Variants in PCDHGA12 observed in about 807,000 individuals in gnomAD.
PCDHGA12 encodes the protein protocadherin gamma subfamily A, 12.
In PCDHGA12, 43 loss-of-function variants were observed where a neutral mutation model predicts 61.1. The observed-to-expected ratio is 0.70, with a 90% CI of 0.55 to 0.91. The LOEUF (loss-of-function observed/expected upper bound fraction) is 0.91, where lower values mean the gene tolerates loss of function less well. PCDHGA12 is among the 40% of genes least tolerant of loss of function. The probability of loss-of-function intolerance (pLI) is 0.00; values close to 1 mark genes in which losing one functional copy is unlikely to be tolerated. For missense variants in PCDHGA12, 1,236 were observed against 1,227.7 expected, an observed-to-expected ratio of 1.01 and a Z score of -0.10; for synonymous variants, 520 against 542.9, an observed-to-expected ratio of 0.96 and a Z score of 0.59.
Position 141,476,023 on chromosome 5 carries a change from G to A in PCDHGA12, c.2425-18784G>A. 1 of 1,415,690 alleles carries A rather than the reference G, an allele frequency of 7.1e-7. No homozygotes were observed. The highest frequency in any genetic ancestry group is 2.3e-5 in the Admixed American group (1 of 43,980). 87.7% of individuals were successfully genotyped at this position (1,415,690 alleles called of 1,614,324 possible). A position where few individuals can be genotyped will look rare whatever the true frequency, so the allele number is the denominator to read the frequency against. ...CATCCAGAAAGCCATGTCGGACTCG[G>A]CGCCCAGCGCCCAAGCGCTAACCCG... On this transcript the variant is annotated intron_variant, in intron 1 of 3. Coordinates refer to ENST00000252085, the MANE Select transcript of PCDHGA12 (RefSeq NM_003735.3). This position sits in a 1 kb window ranked among gnomAD's most constrained non-coding sequence, Gnocchi z 7.6.
At position 141,485,120 on chromosome 5, in the gene PCDHGA12, G is replaced by A. The variant is rs2099607447; in HGVS notation, c.2425-9687G>A. On this transcript the variant is annotated intron_variant, in intron 1 of 3. Coordinates refer to ENST00000252085, the MANE Select transcript of PCDHGA12 (RefSeq NM_003735.3). The surrounding 1 kb of genome is among the most constrained non-coding windows in gnomAD (Gnocchi z 5.7). ...TCCAGCTGCTGTGGCTGTTTGGGGC[G>A]GGTCGGCTTCATCCGCGTCTCAGGA... The A allele has an allele frequency of 1.5e-6, 2 of 1,348,050 alleles. No homozygotes were observed. Among genetic ancestry groups the A allele is most frequent in the Non-Finnish European group, 2.1e-6 (2 of 952,710 alleles). 83.5% of individuals were successfully genotyped at this position (1,348,050 alleles called of 1,614,324 possible).
In PCDHGA12 at chr5:141,457,578, C is replaced by T. The variant is rs538068150; in HGVS notation, c.2424+24395C>T. Among the ~76,000 whole-genome samples, 38 of 152,304 alleles carry T rather than the reference C, an allele frequency of 2.5e-4. No individual in the cohort carries two copies. The South Asian group carries it at 7.7e-3, about 31-fold the overall frequency. ...AGCTTTGGAGCAAAATTTTTCTCTC[C>T]AGTCCTCATTTTTGGTAAAAACTAA... On this transcript the variant is annotated intron_variant, in intron 1 of 3. Coordinates refer to ENST00000252085, the MANE Select transcript of PCDHGA12 (RefSeq NM_003735.3).
intron 2 of PCDHGA12, among the ~76,000 whole-genome samples, chr5:141,501,334 C>T (rs1462003251): frequency 6.9e-6 from 1 of 145,376 alleles, no homozygotes; most frequent in Non-Finnish European, 1.5e-5. Context: ...CACACACACA[C>T]CCCAAACTCA....
At position 141,487,505 on chromosome 5, in the gene PCDHGA12, G is replaced by GTA; in HGVS notation, c.2425-7302_2425-7301insTA. The GTA allele has an allele frequency of 1.2e-6, 2 of 1,614,200 alleles. No homozygotes were observed. The highest frequency in any genetic ancestry group is 1.7e-6 in the Non-Finnish European group (2 of 1,180,032). ...TCATGGCTGTACACCCTTGGCTTCTGCACCCACTCGGAGTGATAGCTTCAT... is the reference window on the plus strand; with the variant it reads ...TCATGGCTGTACACCCTTGGCTTCTGTACACCCACTCGGAGTGATAGCTTCAT... On this transcript the variant is annotated intron_variant, in intron 1 of 3. Coordinates refer to ENST00000252085, the MANE Select transcript of PCDHGA12 (RefSeq NM_003735.3). This position sits in a 1 kb window ranked among gnomAD's most constrained non-coding sequence, Gnocchi z 5.0.
chr5:141,460,027 G>A (rs1002703325), intron 1 of PCDHGA12, among the ~76,000 whole-genome samples: 3 of 152,088 alleles, frequency 2.0e-5, no homozygotes, highest in East Asian at 1.9e-4. Flanking sequence ...GCAGTGAGCC[G>A]AGACTGCACC....
chr5:141,433,767 G>T (rs1237334342), intron 1 of PCDHGA12, among the ~76,000 whole-genome samples: 1 of 151,532 alleles, frequency 6.6e-6, no homozygotes, highest in Non-Finnish European at 1.5e-5. Flanking sequence ...AACCTGGGAG[G>T]TGGAGGTTGC....
chr5:141,476,062 A>G lies in PCDHGA12; in HGVS notation c.2425-18745A>G, dbSNP rs2099384587. On this transcript the variant is annotated intron_variant, in intron 1 of 3. Coordinates refer to ENST00000252085, the MANE Select transcript of PCDHGA12 (RefSeq NM_003735.3). This position sits in a 1 kb window ranked among gnomAD's most constrained non-coding sequence, Gnocchi z 7.6. ...AGCGCTAACCCGCTGAAAGTTTCTC[A>G]GCGAAATCTCAGGGACGATCTGGAC... The G allele has an allele frequency of 1.8e-5, 27 of 1,509,766 alleles. No individual in the cohort carries two copies. Among genetic ancestry groups the G allele is most frequent in the Non-Finnish European group, 2.3e-5 (26 of 1,136,920 alleles). The allele number at this position is 1,509,766 out of a possible 1,614,324, so 93.5% of individuals were successfully genotyped here.
Position 141,491,722 on chromosome 5 carries a change from CG to C in PCDHGA12, c.2425-3082del. Reference sequence around the variant, plus strand: ...CCAGGTGAGGGGCTCGGCGCCGCCCCGGGCGACCCCTGGGGGCGGCACTGGA... The same window carrying C: ...CCAGGTGAGGGGCTCGGCGCCGCCCCGGCGACCCCTGGGGGCGGCACTGGA... On this transcript the variant is annotated intron_variant, in intron 1 of 3. Transcript: ENST00000252085. The surrounding 1 kb of genome is among the most constrained non-coding windows in gnomAD (Gnocchi z 6.9). The C allele has an allele frequency of 1.2e-6, 2 of 1,607,004 alleles. No homozygotes were observed. Among genetic ancestry groups the C allele is most frequent in the Non-Finnish European group, 1.7e-6 (2 of 1,177,148 alleles).
At chr5:141,469,629 C>T (rs933972587) in intron 1 of PCDHGA12, among the ~76,000 whole-genome samples, 1 of 152,070 alleles carries the variant, frequency 6.6e-6, no homozygotes, top group Admixed American at 6.6e-5. Context: ...GTTTGTAGTT[C>T]CAAAATATTT....
chr5:141,505,342 T>C (rs2099845433), intron 2 of PCDHGA12, 51 bp from the exon 3 acceptor site: 1 of 1,612,738 alleles, frequency 6.2e-7, no homozygotes, highest in African/African-American at 1.3e-5. Flanking sequence ...AGGAGGGGCA[T>C]GAGCTGTGCC....
rs1486545769 is a variant in PCDHGA12 at position 141,431,780 on chromosome 5, A to T, written c.1021A>T (p.Asn341Tyr). The change falls in exon 1 of 4, where the codon AAC (asparagine) becomes TAC (tyrosine). Residue 341 changes from asparagine (N) to tyrosine (Y), a missense_variant. Physicochemically the swap from Asn to Tyr is moderately radical, Grantham distance 143. Coordinates refer to ENST00000252085, the MANE Select transcript of PCDHGA12 (RefSeq NM_003735.3). This position sits in a 1 kb window ranked among gnomAD's most constrained non-coding sequence, Gnocchi z 4.8. The stretch of plus-strand genomic sequence containing the variant: ...AGTCCTGATCACTGTTCTGGACGTG[A>T]ACGACAATGCCCCAGAAGTGGTCCT... ...AKVLITVLDV[N>Y]DNAPEVVLTS... is the part of the protein sequence containing the mutation. 4 of 1,614,086 alleles carry T rather than the reference A, an allele frequency of 2.5e-6. No homozygotes were observed. The highest frequency in any genetic ancestry group is 3.4e-6 in the Non-Finnish European group (4 of 1,180,028).
Position 141,476,376 on chromosome 5 carries a change from T to C in PCDHGA12, c.2425-18431T>C. ...GTGAACCGGGAGACCGGAGAGATGT[T>C]TGTGAACGACCGTCTGGATCGAGAG... On this transcript the variant is annotated intron_variant, in intron 1 of 3. Coordinates refer to ENST00000252085, the MANE Select transcript of PCDHGA12 (RefSeq NM_003735.3). The surrounding 1 kb of genome is among the most constrained non-coding windows in gnomAD (Gnocchi z 7.6). The C allele has an allele frequency of 6.2e-7, 1 of 1,614,060 alleles. No homozygotes were observed. Among genetic ancestry groups the C allele is most frequent in the Non-Finnish European group, 8.5e-7 (1 of 1,180,004 alleles).
At chr5:141,507,611 A>G (rs2099862056) in intron 3 of PCDHGA12, among the ~76,000 whole-genome samples, 1 of 152,258 alleles carries the variant, frequency 6.6e-6, no homozygotes, top group South Asian at 2.1e-4. Flanking sequence ...AAACAGGTAT[A>G]TTTAGCTGTT....
intron 1 of PCDHGA12, among the ~76,000 whole-genome samples, chr5:141,450,968 G>A (rs756891993): frequency 5.5e-4 from 84 of 151,848 alleles, no homozygotes; most frequent in Non-Finnish European, 9.0e-4. Context: ...GGGATTACAG[G>A]CATGTGCCAC....
chr5:141,476,535 T>C lies in PCDHGA12; in HGVS notation c.2425-18272T>C. 5 of 1,614,038 alleles carry C rather than the reference T, an allele frequency of 3.1e-6. No individual in the cohort carries two copies. The highest frequency in any genetic ancestry group is 4.2e-6 in the Non-Finnish European group (5 of 1,180,010). On this transcript the variant is annotated intron_variant, in intron 1 of 3. Coordinates refer to ENST00000252085, the MANE Select transcript of PCDHGA12 (RefSeq NM_003735.3). The surrounding 1 kb of genome is among the most constrained non-coding windows in gnomAD (Gnocchi z 7.6). ...AATCCTGCTTTCCCTACCCAGGAAA[T>C]GAAATTGGAGATTAGCGAGGCCGTG...
chr5:141,473,894 T>C (rs1224416966), intron 1 of PCDHGA12, among the ~76,000 whole-genome samples: 1 of 152,134 alleles, frequency 6.6e-6, no homozygotes, highest in Non-Finnish European at 1.5e-5. Context: ...GTTCTGTTGG[T>C]TCATGAAGAG....
chr5:141,451,314 G>A (rs1286009420), intron 1 of PCDHGA12, among the ~76,000 whole-genome samples: 1 of 152,218 alleles, frequency 6.6e-6, no homozygotes, highest in Non-Finnish European at 1.5e-5. Context: ...AGCAATTAAA[G>A]TGTCACCTAA....
chr5:141,472,071 A>T (rs1243864250), intron 1 of PCDHGA12, among the ~76,000 whole-genome samples: 5 of 152,200 alleles, frequency 3.3e-5, no homozygotes, highest in South Asian at 2.1e-4. Context: ...GTCTGTGGTT[A>T]TATCAATGAG....
Position 141,490,611 on chromosome 5 carries a change from G to GCTTTA in PCDHGA12, c.2425-4194_2425-4190dup. On this transcript the variant is annotated intron_variant, in intron 1 of 3. Coordinates refer to ENST00000252085, the MANE Select transcript of PCDHGA12 (RefSeq NM_003735.3). The surrounding 1 kb of genome is among the most constrained non-coding windows in gnomAD (Gnocchi z 5.4). The stretch of plus-strand genomic sequence containing the variant: ...ACAATGCACCCCGCTTCAACCAGCA[G>GCTTTA]CTTTACACTGCTTACATCCTAGAAA... 6.2e-7 allele frequency: 1 copy of GCTTTA among 1,614,170 alleles called. No individual in the cohort carries two copies. Among genetic ancestry groups the GCTTTA allele is most frequent in the Non-Finnish European group, 8.5e-7 (1 of 1,180,036 alleles).
Sources: gnomAD v4.1 joint callset for allele counts (sites outside exome capture counted in the v4.1 genomes callset) on GRCh38, gnomAD v4.1.1 for gene constraint, Gnocchi (gnomAD v3.1) non-coding constraint, MANE v1.5 for transcripts, NCBI Gene and HGNC (gene_info 2026-07-23, HGNC 2026-07-21) for gene names.